TMEM175: variants seen among roughly 807,000 people sequenced by gnomAD.
TMEM175 encodes the protein endosomal/lysosomal proton channel TMEM175.
Under a neutral mutation model 36.5 loss-of-function variants are expected in TMEM175, and 36 were observed. The observed-to-expected ratio is 0.99, with a 90% CI of 0.76 to 1.30. The LOEUF (loss-of-function observed/expected upper bound fraction) is 1.30, where lower values mean the gene tolerates loss of function less well. Among genes scored for constraint, TMEM175 ranks in the 50% most tolerant of loss-of-function variants. TMEM175 has a pLI of 0.00. For missense variants in TMEM175, 705 were observed against 692.8 expected (o/e 1.02, Z -0.20); for synonymous variants, 339 against 313.4 (o/e 1.08, Z -0.86).
intron 1 of TMEM175, among the ~76,000 whole-genome samples, chr4:933,421 C>G (rs549924084): frequency 6.6e-6 from 1 of 152,072 alleles, no homozygotes; most frequent in Non-Finnish European, 1.5e-5. Flanking sequence ...GCAGGAGAAT[C>G]GCTTGAACCC....
chr4:944,652 A>G (rs1019945767), intron 1 of TMEM175, among the ~76,000 whole-genome samples: 6 of 152,236 alleles, frequency 3.9e-5, no homozygotes, highest in African/African-American at 1.4e-4. Context: ...GTTTACATAA[A>G]TGGTACAATA....
intron 1 of TMEM175, among the ~76,000 whole-genome samples, chr4:940,448 C>A (rs1385471803): frequency 0.017 from 1,516 of 90,628 alleles, no homozygotes; most frequent in Admixed American, 0.018. Flanking sequence ...AACTCGATCT[C>A]AAAAAAAAAA....
At chr4:933,806 A>T (rs1726432345) in intron 1 of TMEM175, among the ~76,000 whole-genome samples, 1 of 152,246 alleles carries the variant, frequency 6.6e-6, no homozygotes, top group Non-Finnish European at 1.5e-5. Context: ...ATTAAAAGAT[A>T]ATAGCCTCAG....
Position 956,389 on chromosome 4 carries a change from C to T in TMEM175, c.842+499C>T, listed in dbSNP as rs962499724. On this transcript the variant is annotated intron_variant, in intron 10 of 10. Transcript: ENST00000264771. ...TCCTCCGCGGCCTCATCTGCCTCTT[C>T]GTCTGTTAGAGCGCGCGTCTCGTCT... 65 of 1,289,978 alleles carry T rather than the reference C, an allele frequency of 5.0e-5. No homozygotes were observed. The African/African-American group carries it at 6.4e-4, about 13-fold the overall frequency. The allele number at this position is 1,289,978 out of a possible 1,614,324, so 79.9% of individuals were successfully genotyped here.
chr4:948,304 G>A (rs543933914), intron 3 of TMEM175, 150 bp downstream of exon 3: 1 of 1,555,578 alleles, frequency 6.4e-7, no homozygotes, highest in Non-Finnish European at 8.7e-7. Context: ...TCCTTGGAAA[G>A]GGAGGGAGCC....
At chr4:938,427 C>G (rs1345151904) in intron 1 of TMEM175, among the ~76,000 whole-genome samples, 1 of 152,062 alleles carries the variant, frequency 6.6e-6, no homozygotes, top group African/African-American at 2.4e-5. Flanking sequence ...TCACTTGAAC[C>G]TGGGAAGTGG....
At chr4:951,140 G>C in intron 4 of TMEM175, 67 bp from the exon 5 acceptor site, 2 of 1,388,208 alleles carry the variant, frequency 1.4e-6, no homozygotes, top group Non-Finnish European at 2.1e-6. Flanking sequence ...ATGCTGGAAA[G>C]AGTGTGTGTG....
Position 958,214 on chromosome 4 carries a change from T to G in TMEM175, c.1233T>G (p.Phe411Leu). The G allele has an allele frequency of 6.2e-7, 1 of 1,602,314 alleles. No homozygotes were observed. The highest frequency in any genetic ancestry group is 8.5e-7 in the Non-Finnish European group (1 of 1,176,396). The change falls in exon 11 of 11, where the codon TTT becomes TTG. Residue 411 changes from phenylalanine to leucine, a missense_variant. Phe to Leu is a conservative substitution (Grantham distance 22). Coordinates refer to ENST00000264771, the MANE Select transcript of TMEM175 (RefSeq NM_032326.4). The stretch of plus-strand genomic sequence containing the variant: ...AGACGCTGCAGCCCTCGGTGTGGTT[T>G]GGCGGCCGGGAGCATGTGCTCATGT... Reference protein sequence around the residue: ...QAETLQPSVWFGGREHVLMFA... With the variant: ...QAETLQPSVWLGGREHVLMFA...
In TMEM175 at chr4:955,856, G is replaced by A. The variant is rs750645874; in HGVS notation, c.808G>A (p.Ala270Thr). ...GGAAGCCTTCAGCGACGGAGTCTAC[G>A]CCATCGTGGCCACGCTTCTCATCCT... ...RVEAFSDGVY[A>T]IVATLLILDI... Residue 270 changes from alanine (A) to threonine (T), a missense_variant, in exon 10 of 11, where the codon GCC becomes ACC. By Grantham distance (58) the Ala-to-Thr change is moderately conservative (BLOSUM62 0). Transcript: ENST00000264771. 9.9e-6 allele frequency: 16 copies of A among 1,613,814 alleles called. No homozygotes were observed. The highest frequency in any genetic ancestry group is 5.3e-5 in the African/African-American group (4 of 74,916).
At chr4:956,179 A>G in intron 10 of TMEM175, 2 of 736,614 alleles carry the variant, frequency 2.7e-6, no homozygotes, top group Non-Finnish European at 4.0e-6. Flanking sequence ...TGCTCTCCTC[A>G]CTCCTCTCAG....
At chr4:938,331 C>A (rs1382619072) in intron 1 of TMEM175, among the ~76,000 whole-genome samples, 1 of 152,128 alleles carries the variant, frequency 6.6e-6, no homozygotes, top group Non-Finnish European at 1.5e-5. Flanking sequence ...CGGTGAAACC[C>A]CGTCTCTACT....
chr4:945,868 C>T (rs756963438), intron 1 of TMEM175: 4 of 152,360 alleles, frequency 2.6e-5, no homozygotes, highest in Admixed American at 6.5e-5. Context: ...TCTCCTCCTT[C>T]CCGGGTGCCA....
chr4:947,662 C>T, intron 1 of TMEM175, 47 bp from the exon 2 acceptor site: 1 of 1,510,902 alleles, frequency 6.6e-7, no homozygotes, highest in Non-Finnish European at 8.9e-7. Context: ...CATGGCCGAC[C>T]TCCAGGAGCG....
intron 3 of TMEM175, among the ~76,000 whole-genome samples, chr4:948,979 C>G (rs989018822): frequency 9.2e-5 from 14 of 152,120 alleles, no homozygotes; most frequent in African/African-American, 3.1e-4. Context: ...GGAGCCTGGC[C>G]CAGTCTGCAG....
chr4:953,431 A>G, intron 8 of TMEM175, 77 bp downstream of exon 8: 3 of 1,492,152 alleles, frequency 2.0e-6, no homozygotes, highest in Non-Finnish European at 2.7e-6. Flanking sequence ...CTGAGCAACA[A>G]ACACGGGGGT....
Position 950,425 on chromosome 4 carries a change from T to G in TMEM175, c.197T>G (p.Phe66Cys), listed in dbSNP as rs758393329. The change falls in exon 4 of 11, where the codon TTC becomes TGC. Residue 66 changes from phenylalanine (F) to cysteine (C), a missense_variant. Coordinates refer to ENST00000264771, the MANE Select transcript of TMEM175 (RefSeq NM_032326.4). ...AGCAGTGCTCTTGTATTCCAGCAGT[T>G]CGACAGAAGTGTACAGAGGCTTCTG... is the stretch of plus-strand genomic sequence containing the variant. The part of the protein sequence containing the change: ...THTEISPEQQ[F>C]DRSVQRLLAT... The G allele has an allele frequency of 5.0e-6, 8 of 1,613,186 alleles. No homozygotes were observed. The South Asian group carries it at 8.8e-5, about 18-fold the overall frequency.
At chr4:957,611 G>A (rs1577458335) in intron 10 of TMEM175, among the ~76,000 whole-genome samples, 1 of 152,378 alleles carries the variant, frequency 6.6e-6, no homozygotes, top group South Asian at 2.1e-4. Flanking sequence ...AAGGGTGCCA[G>A]TTTCTATGGA....
chr4:950,477 G>C lies in TMEM175; in HGVS notation c.249G>C (p.Met83Ile). The C allele has an allele frequency of 6.2e-7, 1 of 1,614,106 alleles. No homozygotes were observed. Among genetic ancestry groups the C allele is most frequent in the Non-Finnish European group, 8.5e-7 (1 of 1,180,004 alleles). Reference protein sequence around the residue: ...LLATRIAVYLMTFLIVTVAWA... With the variant: ...LLATRIAVYLITFLIVTVAWA... Reference sequence around the variant, plus strand: ...CAACACGGATTGCCGTCTACCTGATGACCTTTCTCATCGTGACAGTGGCCT... The same window carrying C: ...CAACACGGATTGCCGTCTACCTGATCACCTTTCTCATCGTGACAGTGGCCT... Residue 83 changes from methionine to isoleucine, a missense_variant, in exon 4 of 11, where the codon ATG (methionine) becomes ATC (isoleucine). Coordinates refer to ENST00000264771, the MANE Select transcript of TMEM175 (RefSeq NM_032326.4).
chr4:944,162 TG>T (rs1193100426), intron 1 of TMEM175, among the ~76,000 whole-genome samples: 4 of 152,142 alleles, frequency 2.6e-5, no homozygotes, highest in African/African-American at 9.7e-5. Flanking sequence ...GCATGGTGGC[TG>T]GTGCCTGTAA....
Sources: gnomAD v4.1 joint callset for allele counts (sites outside exome capture counted in the v4.1 genomes callset) on GRCh38, gnomAD v4.1.1 for gene constraint, MANE v1.5 for transcripts, NCBI Gene and HGNC (gene_info 2026-07-23, HGNC 2026-07-21) for gene names.